The following KCNH7 variants were observed in gnomAD, a reference collection of about 807,000 sequenced individuals.
KCNH7 encodes the protein voltage-gated inwardly rectifying potassium channel KCNH7.
A neutral mutation model predicts 120.8 loss-of-function variants in KCNH7; 49 were observed. The ratio of observed to expected loss-of-function variants is 0.41; its 90% confidence interval spans 0.32 to 0.51. KCNH7 has a LOEUF of 0.51. Among genes scored for constraint, KCNH7 ranks in the 20% least tolerant of loss-of-function variants. The pLI, the probability that KCNH7 is intolerant of heterozygous loss-of-function variation, is 0.38. For synonymous variants in KCNH7, 547 were observed against 516.1 expected (o/e 1.06, Z -0.81); for missense variants, 1,097 against 1,446.6 (o/e 0.76, Z 3.92).
intron 6 of KCNH7, among the ~76,000 whole-genome samples, chr2:162,464,562 G>A (rs148596755): frequency 1.1e-4 from 16 of 151,824 alleles, no homozygotes; most frequent in South Asian, 1.0e-3. Context: ...TCCATGTCCC[G>A]GACTCCTTGA....
rs192562240 is a variant in KCNH7, at chr2:162,654,692, C to G, written c.308-117612G>C. ...AATCAGTATGTCAAACAGATATCTG[C>G]ACTCCCTTGGTCACTGAGCATTATT... On this transcript the variant is annotated intron_variant, in intron 2 of 15. Coordinates refer to ENST00000332142, the MANE Select transcript of KCNH7 (RefSeq NM_033272.4). Among the ~76,000 whole-genome samples the G allele has an allele frequency of 2.2e-4, 33 of 152,220 alleles. 1 individual carries two copies. In the Middle Eastern group the frequency reaches 0.01, roughly 47 times the overall value.
rs142080392 is a variant in KCNH7 at position 162,638,500 on chromosome 2, TAAAC to T, written c.308-101424_308-101421del. On this transcript the variant is annotated intron_variant, in intron 2 of 15. Transcript: ENST00000332142. ...TAGCACTGTTACTGAACCTTACTGA[TAAAC>T]AACATGTCACATCATTAACTCTGAA... Among the ~76,000 whole-genome samples the T allele has an allele frequency of 3.0e-3, 463 of 152,182 alleles. 1 individual carries two copies. The highest frequency in any genetic ancestry group is 0.011 in the African/African-American group (441 of 41,544).
intron 6 of KCNH7, among the ~76,000 whole-genome samples, chr2:162,470,265 C>T (rs1188113425): frequency 3.3e-5 from 5 of 151,340 alleles, no homozygotes; most frequent in African/African-American, 7.3e-5. Flanking sequence ...AAGTGAGGAG[C>T]GTCTCTGCCC....
chr2:162,663,220 C>T (rs1163687538), intron 2 of KCNH7, among the ~76,000 whole-genome samples: 1 of 152,174 alleles, frequency 6.6e-6, no homozygotes, highest in African/African-American at 2.4e-5. Flanking sequence ...ACAGAGTAGG[C>T]ACATGGCAGA....
chr2:162,630,354 T>A lies in KCNH7; in HGVS notation c.308-93274A>T, dbSNP rs186739608. 3.8e-4 allele frequency among the ~76,000 whole-genome samples: 58 copies of A among 151,818 alleles called. No homozygotes were observed. In the East Asian group the frequency reaches 0.011, roughly 29 times the overall value. ...TATGACATGAAAATATGAAGCTAGA[T>A]GAGATTATCTAGGAAAAGATATGGA... is the stretch of plus-strand genomic sequence containing the variant. On this transcript the variant is annotated intron_variant, in intron 2 of 15. Coordinates refer to ENST00000332142, the MANE Select transcript of KCNH7 (RefSeq NM_033272.4).
At chr2:162,679,839 C>T (rs973837327) in intron 2 of KCNH7, among the ~76,000 whole-genome samples, 4 of 151,652 alleles carry the variant, frequency 2.6e-5, no homozygotes, top group Non-Finnish European at 5.9e-5. Context: ...AAACATCTTT[C>T]TGAATTTGAA....
At chr2:162,801,829 G>A (rs1284130540) in intron 2 of KCNH7, among the ~76,000 whole-genome samples, 1 of 151,736 alleles carries the variant, frequency 6.6e-6, no homozygotes, top group Admixed American at 6.6e-5. Context: ...GCAAGAAGTT[G>A]TTGGAAGAGG....
At chr2:162,424,062 G>C (rs2105492501) in intron 8 of KCNH7, among the ~76,000 whole-genome samples, 1 of 152,250 alleles carries the variant, frequency 6.6e-6, no homozygotes, top group East Asian at 1.9e-4. Flanking sequence ...CATTAGGTTT[G>C]TTAAGGGATA....
At chr2:162,425,097 T>C (rs1687815440) in intron 8 of KCNH7, among the ~76,000 whole-genome samples, 1 of 152,098 alleles carries the variant, frequency 6.6e-6, no homozygotes, top group Non-Finnish European at 1.5e-5. Context: ...TGCTTGACTG[T>C]CTGAGCAGGA....
intron 6 of KCNH7, among the ~76,000 whole-genome samples, chr2:162,454,860 A>G (rs1688904448): frequency 6.6e-6 from 1 of 152,062 alleles, no homozygotes; most frequent in African/African-American, 2.4e-5. Flanking sequence ...GGTTTTCTAA[A>G]TATAGAATCA....
intron 2 of KCNH7, among the ~76,000 whole-genome samples, chr2:162,829,556 A>C (rs1685399322): frequency 6.6e-6 from 1 of 152,156 alleles, no homozygotes; most frequent in Non-Finnish European, 1.5e-5. Flanking sequence ...GACACTGGTA[A>C]GTCATTGGTG....
chr2:162,523,078 C>T (rs1443503717), intron 3 of KCNH7, among the ~76,000 whole-genome samples: 2 of 151,684 alleles, frequency 1.3e-5, no homozygotes, highest in African/African-American at 2.4e-5. Flanking sequence ...AAATATTTTG[C>T]CAAATTCATG....
At chr2:162,768,224 G>A (rs1227417002) in intron 2 of KCNH7, among the ~76,000 whole-genome samples, 1 of 152,146 alleles carries the variant, frequency 6.6e-6, no homozygotes, top group Non-Finnish European at 1.5e-5. Context: ...ATTGAAGGCT[G>A]ACTATCAAAG....
intron 2 of KCNH7, among the ~76,000 whole-genome samples, chr2:162,650,977 A>T (rs1226570477): frequency 6.6e-6 from 1 of 152,196 alleles, no homozygotes; most frequent in Non-Finnish European, 1.5e-5. Context: ...CAGAGATAGC[A>T]TATTGAAAAA....
intron 2 of KCNH7, among the ~76,000 whole-genome samples, chr2:162,765,299 C>A (rs887219324): frequency 6.6e-6 from 1 of 152,174 alleles, no homozygotes; most frequent in African/African-American, 2.4e-5. Context: ...AATGCATACA[C>A]ATATATCTTC....
intron 9 of KCNH7, among the ~76,000 whole-genome samples, chr2:162,410,020 G>A (rs1687338167): frequency 6.6e-6 from 1 of 151,996 alleles, no homozygotes; most frequent in South Asian, 2.1e-4. Context: ...GCAATGTACA[G>A]ATTCAATGCC....
chr2:162,589,569 A>T (rs1465252330), intron 2 of KCNH7, among the ~76,000 whole-genome samples: 3 of 152,098 alleles, frequency 2.0e-5, no homozygotes, highest in Admixed American at 6.6e-5. Flanking sequence ...TCTCACATGG[A>T]TAAATATCTC....
chr2:162,628,851 T>C (rs1489272125), intron 2 of KCNH7, among the ~76,000 whole-genome samples: 1 of 152,068 alleles, frequency 6.6e-6, no homozygotes, highest in Non-Finnish European at 1.5e-5. Context: ...GAGAGACTCA[T>C]CTCTCACAGC....
chr2:162,785,520 C>A (rs537685534), intron 2 of KCNH7, among the ~76,000 whole-genome samples: 1 of 150,764 alleles, frequency 6.6e-6, no homozygotes, highest in South Asian at 2.1e-4. Context: ...TAATAATTTG[C>A]GACTATTGGG....
Sources: allele counts gnomAD v4.1 joint callset (sites outside exome capture counted in the v4.1 genomes callset), GRCh38; gene constraint gnomAD v4.1.1; transcripts MANE v1.5; gene names NCBI Gene and HGNC (gene_info 2026-07-23, HGNC 2026-07-21).